MAP3K9: variants seen among roughly 807,000 people sequenced by gnomAD.
The protein encoded by MAP3K9 is mitogen-activated protein kinase kinase kinase 9, also known as mixed lineage kinase 1 (tyr and ser/thr specificity).
Under a neutral mutation model 95.8 loss-of-function variants are expected in MAP3K9, and 46 were observed. The ratio of observed to expected loss-of-function variants is 0.48; its 90% CI spans 0.38 to 0.61. The LOEUF (loss-of-function observed/expected upper bound fraction) is 0.61, where lower values mean the gene tolerates loss of function less well. Ranked by LOEUF, MAP3K9 falls within the 20% of genes least tolerant of loss-of-function variation. The pLI is 0.00. For synonymous variants in MAP3K9, 533 were observed against 593.8 expected (o/e 0.90, Z 1.49); for missense variants, 1,296 against 1,474.3 (o/e 0.88, Z 1.98).
chr14:70,758,783 A>C (rs1255616314), intron 3 of MAP3K9, among the ~76,000 whole-genome samples: 1 of 148,516 alleles, frequency 6.7e-6, no homozygotes, highest in Non-Finnish European at 1.5e-5. Flanking sequence ...TTTTTTTTTG[A>C]GACGGAGTTT....
chr14:70,774,983 C>CAAAAAAAAAAAA (rs60144338), intron 2 of MAP3K9, among the ~76,000 whole-genome samples: 11 of 55,114 alleles, frequency 2.0e-4, no homozygotes, highest in Admixed American at 1.6e-3. Context: ...ACTCTGTCCC[C>CAAAAAAAAAAAA]AAAAAAAAAA....
intron 2 of MAP3K9, chr14:70,765,487 T>C: frequency 1.4e-6 from 1 of 692,838 alleles, no homozygotes; most frequent in South Asian, 1.5e-5. Context: ...TGGTGAGTGT[T>C]CTGTAAAGAA....
intron 10 of MAP3K9, 137 bp downstream of exon 10, chr14:70,734,249 A>C: frequency 1.5e-6 from 1 of 686,428 alleles, no homozygotes; most frequent in Non-Finnish European, 2.6e-6. Context: ...AACACTGAAC[A>C]TTCTAGAACA....
At chr14:70,751,380 T>G (rs1309319396) in intron 3 of MAP3K9, among the ~76,000 whole-genome samples, 1 of 152,156 alleles carries the variant, frequency 6.6e-6, no homozygotes, top group African/African-American at 2.4e-5. Flanking sequence ...ACAATAAGTT[T>G]TGCAACCAGC....
At chr14:70,774,989 A>C (rs1283855580) in intron 2 of MAP3K9, among the ~76,000 whole-genome samples, 46 of 76,056 alleles carry the variant, frequency 6.0e-4, no homozygotes, top group African/African-American at 2.1e-3. Flanking sequence ...TCCCCAAAAA[A>C]AAAAAAAAAA....
rs2055040796 is a variant in MAP3K9 at position 70,809,338 on chromosome 14, C to G, written c.-167G>C. On this transcript the variant is annotated 5_prime_UTR_variant, in exon 1 of 12. Coordinates refer to ENST00000554752, the MANE Select transcript of MAP3K9 (RefSeq NM_001284230.2). ...GAGAGCCGGCTCGCCGGCGCTGTTACCGCGGTACGAGAAGAGCGCCGAGCG... is the reference window on the plus strand; with the variant it reads ...GAGAGCCGGCTCGCCGGCGCTGTTAGCGCGGTACGAGAAGAGCGCCGAGCG... 2 of 891,968 alleles carry G rather than the reference C, an allele frequency of 2.2e-6. No individual in the cohort carries two copies. Among genetic ancestry groups the G allele is most frequent in the Non-Finnish European group, 3.0e-6 (2 of 677,774 alleles). The allele number at this position is 891,968 out of a possible 1,614,324, so 55.3% of individuals were successfully genotyped here. A position where few individuals can be genotyped will look rare whatever the true frequency, so the allele number is the denominator to read the frequency against.
At chr14:70,777,357 T>C (rs1195344590) in intron 2 of MAP3K9, among the ~76,000 whole-genome samples, 1 of 152,210 alleles carries the variant, frequency 6.6e-6, no homozygotes, top group Non-Finnish European at 1.5e-5. Flanking sequence ...CTGAGGCTCA[T>C]ATATCAGAAA....
chr14:70,737,545 C>G (rs528210375), intron 8 of MAP3K9, among the ~76,000 whole-genome samples: 6 of 152,194 alleles, frequency 3.9e-5, no homozygotes, highest in Admixed American at 6.5e-5. Context: ...GCTCTCACCC[C>G]TCTTGTGCCC....
chr14:70,735,886 T>C, intron 9 of MAP3K9, 75 bp downstream of exon 9: 1 of 1,120,898 alleles, frequency 8.9e-7, no homozygotes, highest in South Asian at 1.2e-5. Flanking sequence ...TTCTATGGGG[T>C]ATGCTGTAAG....
rs766411031 is a variant in MAP3K9, at chr14:70,742,464, T to C, written c.1454A>G (p.Asn485Ser). Residue 485 changes from asparagine (N) to serine (S), a missense_variant, in exon 6 of 12, where the codon AAC (asparagine) becomes AGC (serine). Transcript: ENST00000554752. The stretch of plus-strand genomic sequence containing the variant: ...CTGGCACAGCTGGTGGATGATGATG[T>C]TGAGCTCCCGTTCCAGGATGTCAAT... The part of the protein sequence containing the change: ...REIDILEREL[N>S]IIIHQLCQEK... 2.5e-6 allele frequency: 4 copies of C among 1,614,240 alleles called. No individual in the cohort carries two copies. In the East Asian group the frequency reaches 8.9e-5, roughly 36 times the overall value.
At chr14:70,735,242 T>C (rs1566730602) in intron 9 of MAP3K9, among the ~76,000 whole-genome samples, 4 of 151,782 alleles carry the variant, frequency 2.6e-5, no homozygotes, top group Admixed American at 2.0e-4. Context: ...AACCACTTTG[T>C]AGGAGGGGGG....
At chr14:70,758,991 C>A (rs1264180084) in intron 3 of MAP3K9, among the ~76,000 whole-genome samples, 2 of 152,112 alleles carry the variant, frequency 1.3e-5, no homozygotes, top group Non-Finnish European at 2.9e-5. Flanking sequence ...AGCCTAGTCA[C>A]AAAAGACCAC....
chr14:70,736,066 A>G (rs775493045), intron 8 of MAP3K9, 37 bp from the exon 9 acceptor site: 4 of 1,414,232 alleles, frequency 2.8e-6, no homozygotes, highest in Non-Finnish European at 4.0e-6. Flanking sequence ...CAGGCAATGG[A>G]GGGCACATCC....
chr14:70,736,272 A>T (rs1386720219), intron 8 of MAP3K9, among the ~76,000 whole-genome samples: 2 of 152,192 alleles, frequency 1.3e-5, no homozygotes, highest in Non-Finnish European at 2.9e-5. Flanking sequence ...GAATCCATAG[A>T]TACCCAAGCA....
chr14:70,758,971 A>G (rs1566745476), intron 3 of MAP3K9, among the ~76,000 whole-genome samples: 1 of 152,226 alleles, frequency 6.6e-6, no homozygotes, highest in African/African-American at 2.4e-5. Context: ...ACATTATGCT[A>G]AATGAAAGAA....
chr14:70,781,111 C>A (rs1394024901), intron 2 of MAP3K9, among the ~76,000 whole-genome samples: 1 of 152,252 alleles, frequency 6.6e-6, no homozygotes, highest in Non-Finnish European at 1.5e-5. Context: ...CCACTTGAAG[C>A]TGAGTGGTCT....
chr14:70,728,406 G>T lies in MAP3K9; in HGVS notation c.*1974C>A, dbSNP rs2053849407. 1 of 152,172 alleles carries T rather than the reference G, an allele frequency of 6.6e-6. No homozygotes were observed. Among genetic ancestry groups the T allele is most frequent in the African/African-American group, 2.4e-5 (1 of 41,400 alleles). 9.4% of individuals were successfully genotyped at this position (152,172 alleles called of 1,614,324 possible). A position where few individuals can be genotyped will look rare whatever the true frequency, so the allele number is the denominator to read the frequency against. ...CCCAAAGCGCTGGGATTACAGGCGT[G>T]AGCCACCGCGCCCTGTCAGAACAAA... is the stretch of plus-strand genomic sequence containing the variant. On this transcript the variant is annotated 3_prime_UTR_variant, in exon 12 of 12. Transcript: ENST00000554752.
intron 2 of MAP3K9, among the ~76,000 whole-genome samples, chr14:70,764,656 C>G (rs2139789854): frequency 6.6e-6 from 1 of 151,758 alleles, no homozygotes; most frequent in Middle Eastern, 3.4e-3. Flanking sequence ...CATAGTGAAA[C>G]CTTGTCTCTA....
intron 6 of MAP3K9, among the ~76,000 whole-genome samples, chr14:70,741,324 A>C (rs1318912844): frequency 1.3e-5 from 2 of 152,118 alleles, no homozygotes; most frequent in Non-Finnish European, 2.9e-5. Context: ...TCCTGACCTC[A>C]GATGATCCAC....
Sources: allele counts gnomAD v4.1 joint callset (sites outside exome capture counted in the v4.1 genomes callset), GRCh38; gene constraint gnomAD v4.1.1; transcripts MANE v1.5; gene names NCBI Gene and HGNC (gene_info 2026-07-23, HGNC 2026-07-21).